Variants in ZBTB49 observed in about 807,000 individuals in gnomAD.
ZBTB49 encodes the protein zinc finger and BTB domain-containing protein 49.
A neutral mutation model predicts 57.5 loss-of-function variants in ZBTB49; 43 were observed. The ratio of observed to expected loss-of-function variants is 0.75; its 90% CI spans 0.59 to 0.97. ZBTB49 has a LOEUF of 0.97. Among genes scored for constraint, ZBTB49 ranks in the 50% least tolerant of loss-of-function variants. The pLI is 0.00. For missense variants in ZBTB49, 938 were observed against 947.7 expected (o/e 0.99, Z 0.13); for synonymous variants, 369 against 362.1 (o/e 1.02, Z -0.22).
intron 1 of ZBTB49, among the ~76,000 whole-genome samples, chr4:4,296,529 C>T (rs1720211592): frequency 6.6e-6 from 1 of 152,222 alleles, no homozygotes; most frequent in African/African-American, 2.4e-5. Flanking sequence ...CTTGCTCCTC[C>T]TTGCCTTTCA....
In ZBTB49 at chr4:4,304,803, G is replaced by A. The variant is rs148443596; in HGVS notation, c.1256-1335G>A. Among the ~76,000 whole-genome samples, 937 of 152,290 alleles carry A rather than the reference G, an allele frequency of 6.2e-3. 8 individuals carry two copies. The highest frequency in any genetic ancestry group is 0.021 in the African/African-American group (887 of 41,552). ...GTTAGTCTGCCCAAAGCTACATGAT[G>A]TGTGATGAAGTCCTCACCCTGGTGG... On this transcript the variant is annotated intron_variant, in intron 3 of 7. Coordinates refer to ENST00000337872, the MANE Select transcript of ZBTB49 (RefSeq NM_145291.4).
intron 1 of ZBTB49, among the ~76,000 whole-genome samples, chr4:4,292,999 T>G (rs1204044012): frequency 6.6e-6 from 1 of 152,128 alleles, no homozygotes; most frequent in Admixed American, 6.5e-5. Flanking sequence ...CTTTCCACCA[T>G]CACATTCCTT....
In ZBTB49 at chr4:4,291,908, C is replaced by T. The variant is rs1250127540; in HGVS notation, c.-20+1556C>T. Among the ~76,000 whole-genome samples, 3 of 152,016 alleles carry T rather than the reference C, an allele frequency of 2.0e-5. No individual in the cohort carries two copies. In the East Asian group the frequency reaches 5.8e-4, roughly 29 times the overall value. ...CGCTTTGGGAGGCCGAGGCAGGCAG[C>T]TCCTGAGGTCAAGAGATAGAGACCA... On this transcript the variant is annotated intron_variant, in intron 1 of 7. Transcript: ENST00000337872.
At chr4:4,293,490 C>G (rs556798123) in intron 1 of ZBTB49, among the ~76,000 whole-genome samples, 1 of 152,190 alleles carries the variant, frequency 6.6e-6, no homozygotes, top group Admixed American at 6.5e-5. Flanking sequence ...CCACCTCTGT[C>G]CCTTATTACT....
At chr4:4,307,782 G>A (rs2108887046) in intron 4 of ZBTB49, among the ~76,000 whole-genome samples, 1 of 152,272 alleles carries the variant, frequency 6.6e-6, no homozygotes, top group East Asian at 1.9e-4. Flanking sequence ...ACTTCTCTGG[G>A]CCTCATTTTT....
At position 4,320,795 on chromosome 4, in the gene ZBTB49, C is replaced by A; in HGVS notation, c.1777C>A (p.Pro593Thr). 1 of 1,614,100 alleles carries A rather than the reference C, an allele frequency of 6.2e-7. No homozygotes were observed. Among genetic ancestry groups the A allele is most frequent in the Non-Finnish European group, 8.5e-7 (1 of 1,180,028 alleles). ...KMHCKAGDES[P>T]DVLEELSQAI... The stretch of plus-strand genomic sequence containing the variant: ...GCACTGCAAAGCTGGTGACGAGAGC[C>A]CAGATGTGCTGGAGGAGCTCAGCCA... Residue 593 changes from proline to threonine, a missense_variant, in exon 8 of 8, where the codon CCA becomes ACA. This residue lies in a region of ZBTB49 where 835 missense variants were observed against 819.1 expected (regional missense o/e 1.02). Transcript: ENST00000337872.
chr4:4,312,484 A>G (rs1020059915), intron 4 of ZBTB49, among the ~76,000 whole-genome samples: 4 of 152,202 alleles, frequency 2.6e-5, no homozygotes, highest in Non-Finnish European at 5.9e-5. Flanking sequence ...GGCTGCTGTG[A>G]TTCTCCTGAT....
chr4:4,311,811 GA>G (rs1272237231), intron 4 of ZBTB49, among the ~76,000 whole-genome samples: 1 of 152,136 alleles, frequency 6.6e-6, no homozygotes, highest in Non-Finnish European at 1.5e-5. Context: ...TTTGGTTGTT[GA>G]AAATAAACTT....
At chr4:4,314,084 G>A (rs768923364) in intron 5 of ZBTB49, among the ~76,000 whole-genome samples, 1 of 152,290 alleles carries the variant, frequency 6.6e-6, no homozygotes, top group Non-Finnish European at 1.5e-5. Context: ...AGGAGGAAGC[G>A]ACTCTCGATT....
intron 7 of ZBTB49, among the ~76,000 whole-genome samples, chr4:4,317,186 G>GTCCA (rs1239654566): frequency 1.3e-5 from 2 of 152,146 alleles, no homozygotes; most frequent in African/African-American, 4.8e-5. Flanking sequence ...GGGGCCTTCC[G>GTCCA]TCCCCTCTGC....
At chr4:4,309,784 G>A (rs1233148952) in intron 4 of ZBTB49, among the ~76,000 whole-genome samples, 1 of 152,204 alleles carries the variant, frequency 6.6e-6, no homozygotes, top group African/African-American at 2.4e-5. Flanking sequence ...TAGTGAGCTT[G>A]GCCCAAGCTA....
chr4:4,293,561 T>C (rs1720044831), intron 1 of ZBTB49, among the ~76,000 whole-genome samples: 1 of 152,254 alleles, frequency 6.6e-6, no homozygotes, highest in African/African-American at 2.4e-5. Context: ...TGTTGCTGTG[T>C]AACACTCTAC....
At chr4:4,307,612 G>A (rs1294079860) in intron 4 of ZBTB49, among the ~76,000 whole-genome samples, 1 of 152,156 alleles carries the variant, frequency 6.6e-6, no homozygotes, top group African/African-American at 2.4e-5. Flanking sequence ...TCCCTACCTT[G>A]TTGCCATCCG....
At chr4:4,303,121 G>T (rs763930030) in intron 3 of ZBTB49, 30 bp downstream of exon 3, 9 of 1,546,544 alleles carry the variant, frequency 5.8e-6, no homozygotes, top group Non-Finnish European at 7.8e-6. Context: ...CAGGCAGAAG[G>T]GAAGGACGTA....
In ZBTB49 at chr4:4,302,611, G is replaced by A. The variant is rs191603610; in HGVS notation, c.775G>A (p.Val259Ile). The A allele has an allele frequency of 1.5e-5, 24 of 1,613,096 alleles. No homozygotes were observed. In the East Asian group the frequency reaches 5.1e-4, roughly 34 times the overall value. ...LTTVESQPCA[V>I]SHSECILESP... is the part of the protein sequence containing the mutation. Reference sequence around the variant, plus strand: ...CACGGTAGAGAGCCAGCCTTGTGCCGTCAGTCATTCTGAATGCATCCTGGA... The same window carrying A: ...CACGGTAGAGAGCCAGCCTTGTGCCATCAGTCATTCTGAATGCATCCTGGA... The change falls in exon 3 of 8, where the codon GTC becomes ATC. Residue 259 changes from valine to isoleucine, a missense_variant. Transcript: ENST00000337872.
intron 1 of ZBTB49, among the ~76,000 whole-genome samples, chr4:4,294,770 G>A (rs1434750787): frequency 6.6e-6 from 1 of 151,872 alleles, no homozygotes; most frequent in African/African-American, 2.4e-5. Flanking sequence ...GCTAGAAAAT[G>A]TCTAATTTTC....
rs1721172471 is a variant in ZBTB49, at chr4:4,315,821, T to TA, written c.1472_1473insA (p.Phe491LeufsTer3). ...ATGGTCTCTCTAGGGTTTAGTAACTTCAGTAATTTGAAGGAGCACAAAAAG... is the reference window on the plus strand; with the variant it reads ...ATGGTCTCTCTAGGGTTTAGTAACTTACAGTAATTTGAAGGAGCACAAAAAG... On this transcript the variant is annotated frameshift_variant, in exon 7 of 8. Coordinates refer to ENST00000337872, the MANE Select transcript of ZBTB49 (RefSeq NM_145291.4). LOFTEE classifies it high-confidence loss of function. 1 of 1,614,102 alleles carries TA rather than the reference T, an allele frequency of 6.2e-7. No homozygotes were observed. Among genetic ancestry groups the TA allele is most frequent in the Non-Finnish European group, 8.5e-7 (1 of 1,180,038 alleles).
At chr4:4,312,648 C>CT (rs1366717384) in intron 4 of ZBTB49, among the ~76,000 whole-genome samples, 3 of 152,124 alleles carry the variant, frequency 2.0e-5, no homozygotes, top group Non-Finnish European at 2.9e-5. Flanking sequence ...ACGTATGGTG[C>CT]TTTTGTTTGT....
intron 4 of ZBTB49, among the ~76,000 whole-genome samples, chr4:4,310,361 G>A (rs966248340): frequency 1.3e-5 from 2 of 152,132 alleles, no homozygotes; most frequent in African/African-American, 4.8e-5. Flanking sequence ...ACCTCTCAGA[G>A]CCTCTGTTGA....
Sources: allele counts gnomAD v4.1 joint callset (sites outside exome capture counted in the v4.1 genomes callset), GRCh38; gene constraint gnomAD v4.1.1; regional missense constraint gnomAD v4.1.1; transcripts MANE v1.5; gene names NCBI Gene and HGNC (gene_info 2026-07-23, HGNC 2026-07-21).